Variants in CNST observed in about 807,000 individuals in gnomAD.
CNST encodes consortin.
Under a neutral mutation model 72.4 loss-of-function variants are expected in CNST, and 39 were observed. The ratio of observed to expected loss-of-function variants is 0.54; its 90% CI spans 0.42 to 0.70. The LOEUF is 0.70. CNST is among the 30% of genes least tolerant of loss of function. The probability of loss-of-function intolerance (pLI) is 0.00; values close to 1 mark genes in which losing one functional copy is unlikely to be tolerated. For synonymous variants in CNST, 332 were observed against 320.1 expected, an observed-to-expected ratio of 1.04 and a Z score of -0.40; for missense variants, 871 against 868.5, an observed-to-expected ratio of 1.00 and a Z score of -0.04.
chr1:246,597,242 T>C (rs1415543103), intron 2 of CNST, among the ~76,000 whole-genome samples: 1 of 152,204 alleles, frequency 6.6e-6, no homozygotes, highest in Non-Finnish European at 1.5e-5. Flanking sequence ...TTTAAAAAAC[T>C]TGTAATTCGT....
chr1:246,585,668 C>T (rs61401837), intron 1 of CNST, among the ~76,000 whole-genome samples: 908 of 5,770 alleles, frequency 0.16, 52 homozygotes, highest in African/African-American at 0.37. Context: ...AAAAAATATA[C>T]ACACACACAC....
intron 3 of CNST, among the ~76,000 whole-genome samples, chr1:246,628,926 C>T (rs148974759): frequency 1.7e-3 from 253 of 152,314 alleles, no homozygotes; most frequent in African/African-American, 5.8e-3. Context: ...CAGCATCTTG[C>T]AATTCATTCC....
intron 3 of CNST, among the ~76,000 whole-genome samples, chr1:246,625,257 C>T (rs894666385): frequency 6.6e-6 from 1 of 152,118 alleles, no homozygotes; most frequent in Non-Finnish European, 1.5e-5. Flanking sequence ...ATTCAACTGT[C>T]AGTATTCTTT....
At chr1:246,597,160 T>A (rs1194544293) in intron 2 of CNST, among the ~76,000 whole-genome samples, 1 of 152,244 alleles carries the variant, frequency 6.6e-6, no homozygotes, top group Non-Finnish European at 1.5e-5. Context: ...CAGCACTGTA[T>A]GAGGGTTACA....
In CNST at chr1:246,603,534, G is replaced by A. The variant is rs193027467; in HGVS notation, c.379+11593G>A. On this transcript the variant is annotated intron_variant, in intron 2 of 10. Transcript: ENST00000366513. ...TTAAACAAAGTTATATGCGCCTGCC[G>A]CTTAGTTTGTAAAAGGCACACAAGT... is the stretch of plus-strand genomic sequence containing the variant. Among the ~76,000 whole-genome samples the A allele has an allele frequency of 3.3e-3, 502 of 152,184 alleles. 2 individuals are homozygous for A. Among genetic ancestry groups the A allele is most frequent in the Non-Finnish European group, 5.7e-3 (389 of 68,022 alleles).
chr1:246,612,518 G>A (rs894323815), intron 2 of CNST, among the ~76,000 whole-genome samples: 7 of 152,134 alleles, frequency 4.6e-5, no homozygotes, highest in African/African-American at 1.7e-4. Context: ...CGTGTTTAAT[G>A]CCACTGAATT....
At chr1:246,639,736 A>G (rs1381943449) in intron 6 of CNST, among the ~76,000 whole-genome samples, 1 of 152,196 alleles carries the variant, frequency 6.6e-6, no homozygotes, top group African/African-American at 2.4e-5. Context: ...TATTTGTTCA[A>G]ATCCCAAGAG....
At chr1:246,608,917 G>A (rs879394430) in intron 2 of CNST, among the ~76,000 whole-genome samples, 13 of 152,164 alleles carry the variant, frequency 8.5e-5, no homozygotes, top group Non-Finnish European at 1.6e-4. Flanking sequence ...TACGTTGTAC[G>A]TCACCTTATT....
In CNST at chr1:246,663,749, A is replaced by C. The variant is rs149032793; in HGVS notation, c.1973-1951A>C. Reference sequence around the variant, plus strand: ...GAACAAGACTCTGTCTCAAAAAAAAAAACAACTATTTTAAAATGTAAATTT... The same window carrying C: ...GAACAAGACTCTGTCTCAAAAAAAACAACAACTATTTTAAAATGTAAATTT... On this transcript the variant is annotated intron_variant, in intron 10 of 10. Transcript: ENST00000366513. Among the ~76,000 whole-genome samples, 178 of 152,306 alleles carry C rather than the reference A, an allele frequency of 1.2e-3. 1 individual carries two copies. In the Middle Eastern group the frequency reaches 0.051, roughly 44 times the overall value.
chr1:246,660,940 T>C (rs1366489420), intron 10 of CNST, among the ~76,000 whole-genome samples: 1 of 152,060 alleles, frequency 6.6e-6, no homozygotes, highest in Non-Finnish European at 1.5e-5. Context: ...TTAGTACTTT[T>C]TGTGTGAGTC....
chr1:246,605,336 G>C (rs568069415), intron 2 of CNST, among the ~76,000 whole-genome samples: 2 of 152,336 alleles, frequency 1.3e-5, no homozygotes, highest in East Asian at 3.9e-4. Flanking sequence ...AGCATTTTGG[G>C]AGGCCAAAGC....
At chr1:246,607,747 T>C (rs1340706715) in intron 2 of CNST, 2 of 152,250 alleles carry the variant, frequency 1.3e-5, no homozygotes. Flanking sequence ...GCAAGTGTGC[T>C]TTGGGACTGG....
At chr1:246,593,883 C>G (rs1405858462) in intron 2 of CNST, among the ~76,000 whole-genome samples, 3 of 152,166 alleles carry the variant, frequency 2.0e-5, no homozygotes, top group Non-Finnish European at 4.4e-5. Flanking sequence ...CCACCTCAGC[C>G]TCTGGAGTAG....
In CNST at chr1:246,566,555, G is replaced by A. The variant is rs1659694855; in HGVS notation, c.-160G>A. 1 of 414,710 alleles carries A rather than the reference G, an allele frequency of 2.4e-6. No homozygotes were observed. The allele number at this position is 414,710 out of a possible 1,614,324, so 25.7% of individuals were successfully genotyped here. A position where few individuals can be genotyped will look rare whatever the true frequency, so the allele number is the denominator to read the frequency against. On this transcript the variant is annotated 5_prime_UTR_variant, in exon 1 of 11. Coordinates refer to ENST00000366513, the MANE Select transcript of CNST (RefSeq NM_152609.3). ...AGGTGTCTCCTCCACCGGAGCCAGG[G>A]GAGACCCGAGCAAGCTCCGTGACAG...
intron 1 of CNST, chr1:246,569,871 A>G (rs1659957530): frequency 2.3e-6 from 2 of 870,684 alleles, no homozygotes; most frequent in South Asian, 5.3e-5. Flanking sequence ...GTCAAGGCAC[A>G]GTATGAGTTT....
intron 2 of CNST, among the ~76,000 whole-genome samples, chr1:246,617,642 G>T (rs900389502): frequency 2.0e-5 from 3 of 152,202 alleles, no homozygotes; most frequent in Non-Finnish European, 2.9e-5. Context: ...TAATAAGTAG[G>T]TGAAGCATGC....
chr1:246,623,721 C>A (rs112041122), intron 3 of CNST, among the ~76,000 whole-genome samples: 1 of 151,698 alleles, frequency 6.6e-6, no homozygotes, highest in African/African-American at 2.4e-5. Context: ...GAGATCGCAC[C>A]ACTGCACTCC....
At position 246,647,236 on chromosome 1, in the gene CNST, A is replaced by C; in HGVS notation, c.1035A>C (p.Gln345His). ...SSPCCHQMDV[Q>H]TDSPSLSVTA... ...CCTGCTGTCATCAGATGGACGTGCA[A>C]ACAGATTCCCCAAGCCTTTCGGTAA... The change falls in exon 9 of 11, where the codon CAA (glutamine) becomes CAC (histidine). Residue 345 changes from glutamine to histidine, a missense_variant. Coordinates refer to ENST00000366513, the MANE Select transcript of CNST (RefSeq NM_152609.3). The C allele has an allele frequency of 6.2e-7, 1 of 1,614,120 alleles. No individual in the cohort carries two copies. The highest frequency in any genetic ancestry group is 8.5e-7 in the Non-Finnish European group (1 of 1,180,022).
chr1:246,646,450 A>G (rs1299748413), intron 8 of CNST, among the ~76,000 whole-genome samples: 2 of 152,074 alleles, frequency 1.3e-5, no homozygotes, highest in East Asian at 3.8e-4. Context: ...TTCATCATGT[A>G]AAAATATTTA....
Sources: gnomAD v4.1 joint callset for allele counts (sites outside exome capture counted in the v4.1 genomes callset) on GRCh38, gnomAD v4.1.1 for gene constraint, MANE v1.5 for transcripts, NCBI Gene and HGNC (gene_info 2026-07-23, HGNC 2026-07-21) for gene names.